Variants in FGFR1 observed in about 807,000 individuals in gnomAD.
The protein encoded by FGFR1 is FGFR1/PLAG1 fusion.
A neutral mutation model predicts 93.7 loss-of-function variants in FGFR1; 18 were observed. The observed-to-expected ratio is 0.19, with a 90% CI of 0.13 to 0.28. FGFR1 has a LOEUF of 0.28. FGFR1 is among the 10% of genes least tolerant of loss of function. The pLI is 1.00. For synonymous variants in FGFR1, 448 were observed against 429.3 expected, an observed-to-expected ratio of 1.04 and a Z score of -0.54; for missense variants, 731 against 1,080.4, an observed-to-expected ratio of 0.68 and a Z score of 4.53.
At chr8:38,465,968 G>C (rs1835402540) in intron 1 of FGFR1, 1 of 228,930 alleles carries the variant, frequency 4.4e-6, no homozygotes, top group Non-Finnish European at 8.7e-6. Context: ...GGAAACCAGA[G>C]AAGTGTTTTC....
intron 6 of FGFR1, 171 bp downstream of exon 6, chr8:38,425,950 AT>A: frequency 1.2e-6 from 1 of 809,140 alleles, no homozygotes; most frequent in Non-Finnish European, 2.1e-6. Context: ...TATTTTACAG[AT>A]AAGAAAAGTG....
Position 38,457,498 on chromosome 8 carries a change from C to T in FGFR1, c.-52G>A, listed in dbSNP as rs760118068. On this transcript the variant is annotated 5_prime_UTR_variant, in exon 2 of 18. Transcript: ENST00000447712. ...ACAAGGCTCCACATCTCCATGGATACTCCACAGTGAGCTCGATCCTCCTTT... is the reference window on the plus strand; with the variant it reads ...ACAAGGCTCCACATCTCCATGGATATTCCACAGTGAGCTCGATCCTCCTTT... The T allele has an allele frequency of 3.1e-6, 5 of 1,611,644 alleles. No homozygotes were observed. The East Asian group carries it at 8.9e-5, about 29-fold the overall frequency.
chr8:38,439,956 G>C (rs1438358899), intron 2 of FGFR1, among the ~76,000 whole-genome samples: 1 of 152,134 alleles, frequency 6.6e-6, no homozygotes, highest in Non-Finnish European at 1.5e-5. Flanking sequence ...CTTAGGGCTT[G>C]GATAACTGGC....
At chr8:38,446,323 G>A (rs930824656) in intron 2 of FGFR1, among the ~76,000 whole-genome samples, 2 of 148,942 alleles carry the variant, frequency 1.3e-5, no homozygotes, top group East Asian at 2.1e-4. Flanking sequence ...CGATTCTCCC[G>A]CCTCAGCCTC....
At chr8:38,458,490 G>A (rs1185923790) in intron 1 of FGFR1, among the ~76,000 whole-genome samples, 1 of 152,074 alleles carries the variant, frequency 6.6e-6, no homozygotes, top group African/African-American at 2.4e-5. Context: ...GCAGTGAGCC[G>A]AGATCGCAGC....
intron 2 of FGFR1, among the ~76,000 whole-genome samples, chr8:38,432,636 A>AC (rs1175902593): frequency 6.6e-6 from 1 of 151,708 alleles, no homozygotes; most frequent in Non-Finnish European, 1.5e-5. Flanking sequence ...AAAGCTCCTG[A>AC]CCTCGTGATC....
rs750602076 is a variant in FGFR1, at chr8:38,457,422, A to T, written c.25T>A (p.Phe9Ile). 1.9e-6 allele frequency: 3 copies of T among 1,613,902 alleles called. No individual in the cohort carries two copies. The highest frequency in any genetic ancestry group is 2.5e-6 in the Non-Finnish European group (3 of 1,179,980). Residue 9 changes from phenylalanine to isoleucine, a missense_variant, in exon 2 of 18, where the codon TTC becomes ATC. Around this residue, in one of 10 missense-constraint regions of FGFR1, gnomAD observed 212 missense variants for 205.8 expected, o/e 1.03. Transcript: ENST00000447712. ...GTGGCTGTGACCAGCACAGCCCAGA[A>T]GAGGAGGCACTTCCAGCTCCACATC... MWSWKCLL[F>I]WAVLVTATLC...
intron 8 of FGFR1, chr8:38,420,047 G>T: frequency 2.5e-6 from 1 of 396,606 alleles, no homozygotes; most frequent in Non-Finnish European, 4.7e-6. Context: ...AGGCACCCAG[G>T]GATCCTGCAA....
chr8:38,449,731 G>A (rs1270072758), intron 2 of FGFR1, among the ~76,000 whole-genome samples: 1 of 152,226 alleles, frequency 6.6e-6, no homozygotes, highest in Non-Finnish European at 1.5e-5. Context: ...AGAGGGCGTG[G>A]AGTTTCAAGC....
Position 38,411,184 on chromosome 8 carries a change from G to A in FGFR1, c.*2444C>T, listed in dbSNP as rs1429946691. ...TTATTTGACAGCTAGCGCAGTCTTT[G>A]GGGAAATTTGTGGGTGATTTGAGTA... is the stretch of plus-strand genomic sequence containing the variant. On this transcript the variant is annotated 3_prime_UTR_variant, in exon 18 of 18. Transcript: ENST00000447712. 1.0e-5 allele frequency: 2 copies of A among 200,778 alleles called. No homozygotes were observed. The highest frequency in any genetic ancestry group is 4.6e-5 in the African/African-American group (2 of 43,536). 12.4% of individuals were successfully genotyped at this position (200,778 alleles called of 1,614,324 possible). A position where few individuals can be genotyped will look rare whatever the true frequency, so the allele number is the denominator to read the frequency against.
chr8:38,464,312 CAAAAAAAA>C (rs56133772), intron 1 of FGFR1, among the ~76,000 whole-genome samples: 2 of 82,396 alleles, frequency 2.4e-5, no homozygotes, highest in East Asian at 3.8e-4. Context: ...GAGACTATCT[CAAAAAAAA>C]AAAAAAAAAA....
chr8:38,461,312 ACTAG>A (rs1255129755), intron 1 of FGFR1: 1 of 587,094 alleles, frequency 1.7e-6, no homozygotes, highest in African/African-American at 1.9e-5. Context: ...TGTAAGGAAA[ACTAG>A]CTGACGAATT....
At chr8:38,433,752 T>C (rs139750305) in intron 2 of FGFR1, among the ~76,000 whole-genome samples, 60 of 152,368 alleles carry the variant, frequency 3.9e-4, no homozygotes, top group African/African-American at 1.4e-3. Flanking sequence ...CCATTTTGTA[T>C]TGTTTCTATT....
intron 5 of FGFR1, 104 bp downstream of exon 5, chr8:38,427,817 G>A (rs1222700045): frequency 3.4e-5 from 43 of 1,264,476 alleles, no homozygotes; most frequent in Non-Finnish European, 5.0e-5. Flanking sequence ...AACCTGTATA[G>A]GTGGAAAGTA....
intron 2 of FGFR1, among the ~76,000 whole-genome samples, chr8:38,452,965 G>C (rs1831560325): frequency 6.6e-6 from 1 of 152,162 alleles, no homozygotes; most frequent in South Asian, 2.1e-4. Flanking sequence ...GACAGAGTGA[G>C]ACTCCGTCTC....
At position 38,426,804 on chromosome 8, in the gene FGFR1, C is replaced by A. The variant is rs1430000539; in HGVS notation, c.622-559G>T. Among the ~76,000 whole-genome samples the A allele has an allele frequency of 6.6e-6, 1 of 152,140 alleles. No homozygotes were observed. Among genetic ancestry groups the A allele is most frequent in the Non-Finnish European group, 1.5e-5 (1 of 68,030 alleles). On this transcript the variant is annotated intron_variant, in intron 5 of 17. Coordinates refer to ENST00000447712, the MANE Select transcript of FGFR1 (RefSeq NM_023110.3). This position sits in a 1 kb window ranked among gnomAD's most constrained non-coding sequence, Gnocchi z 4.1. ...CATGGTGTCTTGCATGTAGTGAGTG[C>A]ATGGTGAATTAATTTAAAATATTTC...
intron 8 of FGFR1, 27 bp downstream of exon 8, chr8:38,421,770 A>G: frequency 1.2e-6 from 2 of 1,613,414 alleles, no homozygotes; most frequent in Non-Finnish European, 1.7e-6. Flanking sequence ...AGGGCAGGAC[A>G]TCGAGAGGAG....
intron 2 of FGFR1, among the ~76,000 whole-genome samples, chr8:38,432,130 T>C (rs980285429): frequency 5.3e-5 from 8 of 152,100 alleles, no homozygotes; most frequent in Middle Eastern, 3.4e-3. Flanking sequence ...AAGACAAAAA[T>C]GTAGCAAAGA....
Position 38,426,268 on chromosome 8 carries a change from T to C in FGFR1, c.622-23A>G. ...GACCTGAGGGGAAATGCCAAAGGGA[T>C]ACATTGAGGGTCCAGAGGAAAATGC... On this transcript the variant is annotated intron_variant, in intron 5 of 17. Transcript: ENST00000447712. The surrounding 1 kb of genome is among the most constrained non-coding windows in gnomAD (Gnocchi z 4.1). The C allele has an allele frequency of 6.2e-7, 1 of 1,613,808 alleles. No individual in the cohort carries two copies. The highest frequency in any genetic ancestry group is 8.5e-7 in the Non-Finnish European group (1 of 1,179,938).
Sources: allele counts gnomAD v4.1 joint callset (sites outside exome capture counted in the v4.1 genomes callset), GRCh38; gene constraint gnomAD v4.1.1; regional missense constraint gnomAD v4.1.1; non-coding constraint Gnocchi (gnomAD v3.1); transcripts MANE v1.5; gene names NCBI Gene and HGNC (gene_info 2026-07-23, HGNC 2026-07-21).